MMP16: variants seen among roughly 807,000 people sequenced by gnomAD.
MMP16 encodes matrix metallopeptidase 16.
A neutral mutation model predicts 67.8 loss-of-function variants in MMP16; 12 were observed. The ratio of observed to expected loss-of-function variants is 0.18; its 90% CI spans 0.11 to 0.29. The LOEUF is 0.29. Ranked by LOEUF, MMP16 falls within the 10% of genes least tolerant of loss-of-function variation. The probability of loss-of-function intolerance (pLI) is 1.00; values close to 1 mark genes in which losing one functional copy is unlikely to be tolerated. For synonymous variants in MMP16, 249 were observed against 255.9 expected (o/e 0.97, Z 0.26); for missense variants, 475 against 765.7 (o/e 0.62, Z 4.48).
intron 1 of MMP16, 29 bp downstream of exon 1, chr8:88,327,046 G>T (rs764276272): frequency 6.2e-7 from 1 of 1,612,928 alleles, no homozygotes; most frequent in Admixed American, 1.7e-5. Flanking sequence ...CAGGCAGCGG[G>T]GGGAGGAAGA....
intron 1 of MMP16, among the ~76,000 whole-genome samples, chr8:88,254,877 T>G (rs1810277980): frequency 6.6e-6 from 1 of 152,166 alleles, no homozygotes; most frequent in African/African-American, 2.4e-5. Flanking sequence ...CTTAGGCCAT[T>G]AATTGTGACA....
intron 1 of MMP16, among the ~76,000 whole-genome samples, chr8:88,299,168 A>T (rs577458929): frequency 6.6e-6 from 1 of 152,336 alleles, no homozygotes; most frequent in South Asian, 2.1e-4. Context: ...CGACACATGC[A>T]TCTGTTCCCA....
rs975469251 is a variant in MMP16 at position 88,167,582 on chromosome 8, T to G, written c.709+87A>C. 16 of 1,298,432 alleles carry G rather than the reference T, an allele frequency of 1.2e-5. No homozygotes were observed. In the African/African-American group the frequency reaches 1.8e-4, roughly 15 times the overall value. 80.4% of individuals were successfully genotyped at this position (1,298,432 alleles called of 1,614,324 possible). ...ATTTTAAAAGTAAATTTAGGATCTA[T>G]ACCTTAAGTTTGTAAATTGTTAAAT... On this transcript the variant is annotated intron_variant, in intron 4 of 9. Transcript: ENST00000286614.
rs140808613 is a variant in MMP16, at chr8:88,319,055, T to C, written c.132+8020A>G. ...CTACAGACAGGCAATAAAGATCACA[T>C]ATCCATTACATAAATGGCCCAAACA... On this transcript the variant is annotated intron_variant, in intron 1 of 9. Coordinates refer to ENST00000286614, the MANE Select transcript of MMP16 (RefSeq NM_005941.5). Among the ~76,000 whole-genome samples the C allele has an allele frequency of 4.4e-3, 665 of 152,250 alleles. 7 individuals are homozygous for C. The highest frequency in any genetic ancestry group is 0.015 in the African/African-American group (637 of 41,550).
intron 1 of MMP16, among the ~76,000 whole-genome samples, chr8:88,202,382 G>A (rs1349075722): frequency 6.6e-6 from 1 of 152,100 alleles, no homozygotes; most frequent in East Asian, 1.9e-4. Context: ...TGTCAATGCT[G>A]TGGAGAGGTT....
intron 1 of MMP16, among the ~76,000 whole-genome samples, chr8:88,300,756 C>T (rs1811085002): frequency 6.6e-6 from 1 of 152,022 alleles, no homozygotes; most frequent in Admixed American, 6.6e-5. Context: ...AATGGAAGTC[C>T]CCAAGTTCTC....
intron 3 of MMP16, among the ~76,000 whole-genome samples, chr8:88,168,859 A>G (rs1258827393): frequency 6.6e-6 from 1 of 152,110 alleles, no homozygotes; most frequent in Non-Finnish European, 1.5e-5. Context: ...AACTTACACT[A>G]ATGAAATATT....
At chr8:88,060,411 A>G (rs1384926741) in intron 7 of MMP16, among the ~76,000 whole-genome samples, 1 of 152,102 alleles carries the variant, frequency 6.6e-6, no homozygotes, top group African/African-American at 2.4e-5. Context: ...TTGAAAATGC[A>G]TACTTGATTT....
At chr8:88,103,012 C>T (rs1191721993) in intron 6 of MMP16, among the ~76,000 whole-genome samples, 1 of 151,816 alleles carries the variant, frequency 6.6e-6, no homozygotes, top group Non-Finnish European at 1.5e-5. Context: ...TGGAATAAAG[C>T]TTCAAGTTCC....
At chr8:88,170,121 C>G (rs190451784) in intron 3 of MMP16, among the ~76,000 whole-genome samples, 312 of 152,052 alleles carry the variant, frequency 2.1e-3, no homozygotes, top group Non-Finnish European at 2.9e-3. Context: ...CAAGATATAC[C>G]AATGGATTAG....
At chr8:88,288,471 T>C (rs1202459872) in intron 1 of MMP16, among the ~76,000 whole-genome samples, 2 of 152,280 alleles carry the variant, frequency 1.3e-5, no homozygotes, top group East Asian at 1.9e-4. Flanking sequence ...TTTAACCTCA[T>C]ACAAGAGGTT....
intron 4 of MMP16, among the ~76,000 whole-genome samples, chr8:88,159,827 A>C (rs1467770539): frequency 6.6e-6 from 1 of 151,982 alleles, no homozygotes; most frequent in Non-Finnish European, 1.5e-5. Context: ...ATTTTTTGAG[A>C]GTTTTTAGCA....
chr8:88,078,037 CTCCT>C (rs1273693349), intron 6 of MMP16, among the ~76,000 whole-genome samples: 2 of 151,810 alleles, frequency 1.3e-5, no homozygotes, highest in Non-Finnish European at 2.9e-5. Context: ...AGCTTCTTAC[CTCCT>C]TCCTTCCTTC....
chr8:88,270,493 T>A (rs1001128320), intron 1 of MMP16, among the ~76,000 whole-genome samples: 2 of 152,214 alleles, frequency 1.3e-5, no homozygotes, highest in African/African-American at 4.8e-5. Flanking sequence ...ATGTATAGTT[T>A]ACAAAAATAT....
At chr8:88,307,671 G>T (rs558887073) in intron 1 of MMP16, among the ~76,000 whole-genome samples, 1 of 151,972 alleles carries the variant, frequency 6.6e-6, no homozygotes, top group East Asian at 1.9e-4. Flanking sequence ...AAGACATTAT[G>T]CCTAGTATCA....
intron 3 of MMP16, among the ~76,000 whole-genome samples, chr8:88,175,018 T>G (rs1206020487): frequency 6.6e-6 from 1 of 152,154 alleles, no homozygotes; most frequent in Non-Finnish European, 1.5e-5. Flanking sequence ...TCTCCCAAAG[T>G]GCTAGGATTA....
chr8:88,243,154 G>A (rs1810058356), intron 1 of MMP16, among the ~76,000 whole-genome samples: 1 of 152,162 alleles, frequency 6.6e-6, no homozygotes, highest in Admixed American at 6.5e-5. Context: ...CAGGCTTGAA[G>A]ATAATGTCCA....
chr8:88,194,360 C>T (rs1025362705), intron 2 of MMP16, among the ~76,000 whole-genome samples: 3 of 151,852 alleles, frequency 2.0e-5, no homozygotes, highest in African/African-American at 7.3e-5. Flanking sequence ...TAACTATAGT[C>T]CATATTTTAT....
intron 7 of MMP16, among the ~76,000 whole-genome samples, chr8:88,056,624 C>T (rs1027807041): frequency 5.3e-5 from 8 of 151,960 alleles, no homozygotes; most frequent in Admixed American, 2.0e-4. Flanking sequence ...ATTAGAGGTC[C>T]TACGTCTTTT....
Sources: gnomAD v4.1 joint callset for allele counts (sites outside exome capture counted in the v4.1 genomes callset) on GRCh38, gnomAD v4.1.1 for gene constraint, MANE v1.5 for transcripts, NCBI Gene and HGNC (gene_info 2026-07-23, HGNC 2026-07-21) for gene names.